Variants in CHLSN observed in about 807,000 individuals in gnomAD.
The protein encoded by CHLSN is cholesin, also known as protein cholesin.
the CHLSN span, among the ~76,000 whole-genome samples, chr7:1,053,509 T>C: frequency 6.6e-6 from 1 of 152,282 alleles, no homozygotes; most frequent in East Asian, 1.9e-4. Flanking sequence ...GTTCTGTGGG[T>C]GCCCCCTGCA....
At chr7:1,062,568 G>A in the CHLSN span, among the ~76,000 whole-genome samples, 19 of 152,140 alleles carry the variant, frequency 1.2e-4, no homozygotes, top group African/African-American at 4.6e-4. Flanking sequence ...CGGGCTGAAG[G>A]AGCAGGCCTG....
chr7:1,111,062 C>T, the CHLSN span, among the ~76,000 whole-genome samples: 1 of 152,048 alleles, frequency 6.6e-6, no homozygotes. Context: ...GGCGACAGAG[C>T]GAGACTCCGT....
At chr7:1,107,559 A>G in the CHLSN span, among the ~76,000 whole-genome samples, 1 of 152,236 alleles carries the variant, frequency 6.6e-6, no homozygotes, top group Non-Finnish European at 1.5e-5. Context: ...ACAAGCTGCA[A>G]AGCACATGCC....
the CHLSN span, among the ~76,000 whole-genome samples, chr7:1,089,577 C>G: frequency 6.6e-6 from 1 of 152,130 alleles, no homozygotes; most frequent in Admixed American, 6.6e-5. Flanking sequence ...CACCACTATG[C>G]CCAGCTACTT....
the CHLSN span, among the ~76,000 whole-genome samples, chr7:1,069,929 C>T: frequency 2.0e-5 from 2 of 99,578 alleles, no homozygotes; most frequent in African/African-American, 4.5e-5. Flanking sequence ...GCCGCCATCA[C>T]ATCTAGGAAG....
the CHLSN span, chr7:1,029,085 TTG>T: frequency 6.6e-6 from 1 of 152,200 alleles, no homozygotes; most frequent in African/African-American, 2.4e-5. Flanking sequence ...CTCTTCTGGC[TTG>T]TGAGTTCCCT....
the CHLSN span, among the ~76,000 whole-genome samples, chr7:1,006,557 G>A: frequency 6.8e-6 from 1 of 148,094 alleles, no homozygotes; most frequent in African/African-American, 2.5e-5. Flanking sequence ...CACAGCGCAG[G>A]GAAAGAGCGC....
chr7:1,053,566 G>A, the CHLSN span, among the ~76,000 whole-genome samples: 19 of 152,332 alleles, frequency 1.2e-4, no homozygotes, highest in African/African-American at 3.4e-4. Context: ...GGTGGCTCAC[G>A]TCTGTAATCC....
the CHLSN span, among the ~76,000 whole-genome samples, chr7:1,063,987 T>TG: frequency 3.3e-5 from 5 of 151,454 alleles, no homozygotes; most frequent in African/African-American, 1.2e-4. Context: ...TCTGCAGAGG[T>TG]GGGGGGCAGG....
chr7:1,108,709 C>A, the CHLSN span, among the ~76,000 whole-genome samples: 1 of 152,152 alleles, frequency 6.6e-6, no homozygotes, highest in Non-Finnish European at 1.5e-5. Flanking sequence ...GCCTGAGTGT[C>A]TGAGATCACC....
At chr7:1,028,463 G>A in the CHLSN span, 1 of 985,464 alleles carries the variant, frequency 1.0e-6, no homozygotes, top group Non-Finnish European at 1.2e-6. Flanking sequence ...CGGCGCGGGG[G>A]TGGGAGAGCC....
At chr7:1,003,753 AGT>A in the CHLSN span, among the ~76,000 whole-genome samples, 1 of 42,782 alleles carries the variant, frequency 2.3e-5, no homozygotes, top group African/African-American at 1.0e-4. Flanking sequence ...CCTGTGGGTG[AGT>A]GGAGTCCTGT....
At chr7:1,123,886 A>G in the CHLSN span, among the ~76,000 whole-genome samples, 1 of 151,854 alleles carries the variant, frequency 6.6e-6, no homozygotes, top group Non-Finnish European at 1.5e-5. The surrounding 1 kb of genome is among the most constrained non-coding windows in gnomAD (Gnocchi z 4.4). Flanking sequence ...CCGAGACCGC[A>G]TTCCCTGGCT....
chr7:997,159 C>T, the CHLSN span: 12 of 154,674 alleles, frequency 7.8e-5, no homozygotes, highest in Non-Finnish European at 1.7e-4. Flanking sequence ...CCAGGCCCCT[C>T]GATGGACGCA....
the CHLSN span, among the ~76,000 whole-genome samples, chr7:995,464 C>G: frequency 6.6e-6 from 1 of 152,340 alleles, no homozygotes; most frequent in East Asian, 1.9e-4. Flanking sequence ...ACCCCATTTC[C>G]CTTTCTGACT....
the CHLSN span, among the ~76,000 whole-genome samples, chr7:1,117,867 T>A: frequency 6.6e-6 from 1 of 152,200 alleles, no homozygotes; most frequent in African/African-American, 2.4e-5. Context: ...AGAGACCAGG[T>A]CTTGCTACAT....
the CHLSN span, among the ~76,000 whole-genome samples, chr7:1,077,114 A>G: frequency 6.6e-6 from 1 of 152,248 alleles, no homozygotes; most frequent in Non-Finnish European, 1.5e-5. Flanking sequence ...AGGCCTGAGC[A>G]CTTTTCCCTG....
chr7:1,091,523 G>A, the CHLSN span: 1 of 558,118 alleles, frequency 1.8e-6, no homozygotes, highest in Non-Finnish European at 3.2e-6. Flanking sequence ...CCATGCCGGT[G>A]TGAGGAGCAT....
chr7:1,029,535 G>A, the CHLSN span, among the ~76,000 whole-genome samples: 1 of 152,238 alleles, frequency 6.6e-6, no homozygotes, highest in Non-Finnish European at 1.5e-5. Flanking sequence ...AGCACTGACT[G>A]GGATTACAAG....
Sources: allele counts gnomAD v4.1 joint callset (sites outside exome capture counted in the v4.1 genomes callset), GRCh38; gene constraint gnomAD v4.1.1; non-coding constraint Gnocchi (gnomAD v3.1); transcripts MANE v1.5; gene names NCBI Gene and HGNC (gene_info 2026-07-23, HGNC 2026-07-21).